UGT2B11: variants seen among roughly 807,000 people sequenced by gnomAD.
UGT2B11 encodes UDP-glucuronosyltransferase 2B11.
UGT2B11 carries 49 observed loss-of-function variants against 51.7 expected under a neutral mutation model. The observed-to-expected ratio is 0.95, with a 90% CI of 0.75 to 1.20. The LOEUF (loss-of-function observed/expected upper bound fraction) is 1.20, where lower values mean the gene tolerates loss of function less well. Among genes scored for constraint, UGT2B11 ranks in the 50% most tolerant of loss-of-function variants. The pLI, the probability that UGT2B11 is intolerant of heterozygous loss-of-function variation, is 0.00. For missense variants in UGT2B11, 810 were observed against 622.1 expected (o/e 1.30, Z -3.21); for synonymous variants, 273 against 209.0 (o/e 1.31, Z -2.64).
chr4:69,200,647 G>T lies in UGT2B11; in HGVS notation c.1383C>A (p.Val461=). The T allele has an allele frequency of 6.2e-7, 1 of 1,612,410 alleles. No homozygotes were observed. The highest frequency in any genetic ancestry group is 8.5e-7 in the Non-Finnish European group (1 of 1,178,918). Residue 461 remains valine (V), a synonymous_variant, in exon 6 of 6, where the codon GTC becomes GTA. Coordinates refer to ENST00000446444, the MANE Select transcript of UGT2B11 (RefSeq NM_001073.3). ...GGGGCATGACAAATTCAATCCAGAA[G>T]ACTGCTCGATCCAGGGGCTTTACTG... is the stretch of plus-strand genomic sequence containing the variant. The part of the protein sequence containing the change: ...DQPVKPLDRA[V]FWIEFVMPHK...
rs991236985 is a variant in UGT2B11 at position 69,212,371 on chromosome 4, CCTCT to C, written c.870+198_870+201del. Among the ~76,000 whole-genome samples, 10 of 151,490 alleles carry C rather than the reference CCTCT, an allele frequency of 6.6e-5. No homozygotes were observed. In the East Asian group the frequency reaches 7.8e-4, roughly 12 times the overall value. The stretch of plus-strand genomic sequence containing the variant: ...CTACATTCAAAGTCTCCTTACTATT[CCTCT>C]CTATTTGTAATATGCATAAAACTCA... On this transcript the variant is annotated intron_variant, in intron 2 of 5. Coordinates refer to ENST00000446444, the MANE Select transcript of UGT2B11 (RefSeq NM_001073.3).
chr4:69,213,482 C>A (rs1049139060), intron 1 of UGT2B11, among the ~76,000 whole-genome samples: 3 of 151,686 alleles, frequency 2.0e-5, no homozygotes. Context: ...TCAAATCACC[C>A]TTATTGACTT....
rs750761889 is a variant in UGT2B11 at position 69,214,379 on chromosome 4, A to G, written c.344T>C (p.Ile115Thr). Residue 115 changes from isoleucine to threonine, a missense_variant, in exon 1 of 6, where the codon ATC becomes ACC. Transcript: ENST00000446444. The part of the protein sequence containing the change: ...FWLYFSQEQE[I>T]LWELYDIFRN... ...AAATATGTCATATAATTCCCACAGGATTTCTTGTTCTTGTGAAAAATATAA... is the reference window on the plus strand; with the variant it reads ...AAATATGTCATATAATTCCCACAGGGTTTCTTGTTCTTGTGAAAAATATAA... 3.1e-6 allele frequency: 5 copies of G among 1,612,736 alleles called. No homozygotes were observed. The South Asian group carries it at 4.4e-5, about 14-fold the overall frequency.
Position 69,212,636 on chromosome 4 carries a change from T to A in UGT2B11, c.807A>T (p.Pro269=). The A allele has an allele frequency of 1.2e-6, 2 of 1,610,638 alleles. No individual in the cohort carries two copies. The highest frequency in any genetic ancestry group is 1.7e-6 in the Non-Finnish European group (2 of 1,177,780). ...CAACAAAATCAACGTTTGGTAAGAA[T>A]GGATGAGGAAATTGAAAACTCCAGG... ...RNSWSFQFPH[P]FLPNVDFVGG... The change falls in exon 2 of 6, where the codon CCA becomes CCT. Residue 269 remains proline (P), a synonymous_variant. Transcript: ENST00000446444.
At chr4:69,206,598 A>G (rs1001494842) in intron 3 of UGT2B11, among the ~76,000 whole-genome samples, 3 of 151,740 alleles carry the variant, frequency 2.0e-5, no homozygotes, top group Non-Finnish European at 4.4e-5. Context: ...TATGTAAAAA[A>G]CCTGCACATG....
Position 69,204,497 on chromosome 4 carries a change from A to G in UGT2B11, c.1243T>C (p.Leu415=), listed in dbSNP as rs140410140. The G allele has an allele frequency of 2.1e-5, 34 of 1,612,280 alleles. No individual in the cohort carries two copies. The highest frequency in any genetic ancestry group is 1.5e-4 in the African/African-American group (11 of 74,868). ...GTACTCGACATTGTGTTGAAGTCCA[A>G]TCTAACAGCTGCTCCCTTGGCCTTC... The part of the protein sequence containing the change: ...HMKAKGAAVR[L]DFNTMSSTDL... Residue 415 remains leucine (L), a synonymous_variant, in exon 5 of 6, where the codon TTG becomes CTG. Transcript: ENST00000446444.
chr4:69,207,058 G>T (rs1412947176), intron 3 of UGT2B11, among the ~76,000 whole-genome samples: 3 of 150,762 alleles, frequency 2.0e-5, no homozygotes, highest in Non-Finnish European at 4.4e-5. Flanking sequence ...TACCATTATT[G>T]TTAATTTTGG....
chr4:69,201,309 T>C lies in UGT2B11; in HGVS notation c.1311-590A>G, dbSNP rs554387484. 3.3e-5 allele frequency: 5 copies of C among 152,014 alleles called. No homozygotes were observed. In the South Asian group the frequency reaches 1.0e-3, roughly 31 times the overall value. The allele number at this position is 152,014 out of a possible 1,614,324, so 9.4% of individuals were successfully genotyped here. ...GGTGAGTGACATACCTCATAGCTCGTCACTTTTCTTCTACATTACTCTTTT... is the reference window on the plus strand; with the variant it reads ...GGTGAGTGACATACCTCATAGCTCGCCACTTTTCTTCTACATTACTCTTTT... On this transcript the variant is annotated intron_variant, in intron 5 of 5. Coordinates refer to ENST00000446444, the MANE Select transcript of UGT2B11 (RefSeq NM_001073.3).
intron 2 of UGT2B11, among the ~76,000 whole-genome samples, chr4:69,210,115 T>A (rs997821684): frequency 6.6e-6 from 1 of 151,570 alleles, no homozygotes; most frequent in African/African-American, 2.4e-5. Context: ...TCTTGTTATA[T>A]TTATCATTTT....
intron 3 of UGT2B11, among the ~76,000 whole-genome samples, chr4:69,206,893 A>C (rs570258651): frequency 6.6e-6 from 1 of 151,678 alleles, no homozygotes; most frequent in East Asian, 2.0e-4. Context: ...TTGTCCTTTG[A>C]TTGACAAAAT....
In UGT2B11 at chr4:69,208,168, A is replaced by G. The variant is rs1721927777; in HGVS notation, c.1002+183T>C. On this transcript the variant is annotated intron_variant, in intron 3 of 5. Transcript: ENST00000446444. ...CAAGGGTAGTAACTCCCCCAGGGCC[A>G]CATGTAACCACTAAGTCTGAGGCAC... is the stretch of plus-strand genomic sequence containing the variant. Among the ~76,000 whole-genome samples the G allele has an allele frequency of 2.0e-5, 3 of 151,610 alleles. No individual in the cohort carries two copies. In the South Asian group the frequency reaches 6.2e-4, roughly 31 times the overall value.
the UGT2B11 span, among the ~76,000 whole-genome samples, chr4:69,220,037 A>G: frequency 2.6e-5 from 4 of 152,204 alleles, no homozygotes; most frequent in African/African-American, 9.6e-5. Context: ...CAAGTTAGTT[A>G]CTTTCTAGAT....
chr4:69,208,576 G>C, intron 2 of UGT2B11, 94 bp from the exon 3 acceptor site: 2 of 1,535,060 alleles, frequency 1.3e-6, no homozygotes, highest in Non-Finnish European at 1.8e-6. Flanking sequence ...AGAAAATCAA[G>C]TATTTTGAGG....
At chr4:69,210,146 T>A (rs1388410631) in intron 2 of UGT2B11, among the ~76,000 whole-genome samples, 1 of 151,566 alleles carries the variant, frequency 6.6e-6, no homozygotes, top group Non-Finnish European at 1.5e-5. Context: ...TTATTTGTAC[T>A]ATGGCTGATG....
intron 2 of UGT2B11, among the ~76,000 whole-genome samples, chr4:69,210,612 C>G (rs1230738771): frequency 6.6e-6 from 1 of 151,562 alleles, no homozygotes; most frequent in Non-Finnish European, 1.5e-5. Flanking sequence ...ACCTCCTACT[C>G]TCTTCCTCCT....
chr4:69,208,497 T>A lies in UGT2B11; in HGVS notation c.871-15A>T, dbSNP rs1373449662. ...TCCTCCATTTCCTGTGAAAAAAAAA[T>A]TGTTTCATCACAAAAGAGTATCACC... is the stretch of plus-strand genomic sequence containing the variant. On this transcript the variant is annotated splice_polypyrimidine_tract_variant and intron_variant, in intron 2 of 5. Transcript: ENST00000446444. The A allele has an allele frequency of 3.1e-6, 5 of 1,605,726 alleles. No individual in the cohort carries two copies. Among genetic ancestry groups the A allele is most frequent in the Non-Finnish European group, 4.2e-6 (5 of 1,176,706 alleles).
chr4:69,223,080 A>T, the UGT2B11 span, among the ~76,000 whole-genome samples: 1 of 152,192 alleles, frequency 6.6e-6, no homozygotes, highest in Non-Finnish European at 1.5e-5. Flanking sequence ...CACTCCATTT[A>T]TCTTCCTGTT....
At position 69,200,312 on chromosome 4, in the gene UGT2B11, AT is replaced by A. The variant is rs11340393; in HGVS notation, c.*127del. ...TTTACTTGACAAGGTAGATTTGAAAATTTTTTTTTTTTTTTTTTTTTTGTCA... is the reference window on the plus strand; with the variant it reads ...TTTACTTGACAAGGTAGATTTGAAAATTTTTTTTTTTTTTTTTTTTTGTCA... On this transcript the variant is annotated 3_prime_UTR_variant, in exon 6 of 6. Transcript: ENST00000446444. 174,274 of 808,910 alleles carry A rather than the reference AT, an allele frequency of 0.22. 2,364 individuals carry two copies. Among genetic ancestry groups the A allele is most frequent in the African/African-American group, 0.28 (12,522 of 45,088 alleles). 50.1% of individuals were successfully genotyped at this position (808,910 alleles called of 1,614,324 possible).
chr4:69,211,813 G>C (rs532459931), intron 2 of UGT2B11, among the ~76,000 whole-genome samples: 3 of 151,516 alleles, frequency 2.0e-5, no homozygotes, highest in East Asian at 3.9e-4. Flanking sequence ...TTAAAAAAGA[G>C]AATCGTTTCA....
Sources: gnomAD v4.1 joint callset for allele counts (sites outside exome capture counted in the v4.1 genomes callset) on GRCh38, gnomAD v4.1.1 for gene constraint, MANE v1.5 for transcripts, NCBI Gene and HGNC (gene_info 2026-07-23, HGNC 2026-07-21) for gene names.